ATRX: variants seen among roughly 807,000 people sequenced by gnomAD.
ATRX encodes the protein ATRX chromatin remodeler, also known as chromatin remodeler ATRX.
Under a neutral mutation model 172.6 loss-of-function variants are expected in ATRX, and 12 were observed. That is an observed-to-expected ratio of 0.07 (90% CI 0.04 to 0.11). The LOEUF (loss-of-function observed/expected upper bound fraction) is 0.11, where lower values mean the gene tolerates loss of function less well. ATRX is among the 10% of genes least tolerant of loss of function. ATRX has a pLI of 1.00. For missense variants in ATRX, 1,368 were observed against 1,767.4 expected (o/e 0.77, Z 4.05); for synonymous variants, 674 against 594.7 (o/e 1.13, Z -1.94).
intron 28 of ATRX, among the ~76,000 whole-genome samples, chrX:77,573,571 A>C (rs2065496338): frequency 8.9e-6 from 1 of 111,807 alleles, no homozygotes; most frequent in Admixed American, 9.5e-5. Context: ...GCTCAACATA[A>C]TTTATCATTA....
At chrX:77,537,992 C>T (rs1407712905) in intron 30 of ATRX, among the ~76,000 whole-genome samples, 1 of 110,761 alleles carries the variant, frequency 9.0e-6, no homozygotes, top group Non-Finnish European at 1.9e-5. Context: ...GATGAGAACA[C>T]ATGAACACGT....
chrX:77,586,193 C>T (rs782025442), intron 27 of ATRX, among the ~76,000 whole-genome samples: 3 of 111,978 alleles, frequency 2.7e-5, no homozygotes, highest in Non-Finnish European at 5.6e-5. Flanking sequence ...ATAGATATCC[C>T]ATTTACCCTG....
chrX:77,633,509 T>C, intron 18 of ATRX, 57 bp downstream of exon 18: 2 of 1,134,222 alleles, frequency 1.8e-6, no homozygotes, highest in Non-Finnish European at 2.4e-6. Context: ...AAAAATAGTT[T>C]ACTATATGAA....
chrX:77,781,030 T>A (rs989356697), intron 1 of ATRX, among the ~76,000 whole-genome samples: 2 of 111,229 alleles, frequency 1.8e-5, no homozygotes, highest in African/African-American at 3.3e-5. Context: ...TTGTCCACAG[T>A]CATACAATCA....
chrX:77,563,210 G>A (rs189117879), intron 28 of ATRX, among the ~76,000 whole-genome samples: 237 of 112,297 alleles, frequency 2.1e-3, no homozygotes, highest in African/African-American at 6.8e-3. Context: ...TCTTATACAA[G>A]TATAATAGTT....
chrX:77,590,518 A>G (rs782555116), intron 26 of ATRX, among the ~76,000 whole-genome samples: 1 of 106,055 alleles, frequency 9.4e-6, no homozygotes, highest in Admixed American at 1.0e-4. Context: ...AGGCTGAGGT[A>G]GGAGAATGGC....
At chrX:77,602,099 G>A (rs1165880332) in intron 22 of ATRX, among the ~76,000 whole-genome samples, 3 of 111,509 alleles carry the variant, frequency 2.7e-5, no homozygotes, top group Non-Finnish European at 5.7e-5. Context: ...GAACTCCTGC[G>A]GGCTCAAGCC....
Position 77,786,070 on chromosome X carries a change from T to C in ATRX, c.-69A>G. 1 of 1,125,870 alleles carries C rather than the reference T, an allele frequency of 8.9e-7. No individual in the cohort carries two copies. Among genetic ancestry groups the C allele is most frequent in the Non-Finnish European group, 1.2e-6 (1 of 836,481 alleles). The allele number at this position is 1,125,870 out of a possible 1,213,427, so 92.8% of individuals were successfully genotyped here. ...CCGATCTGCGCTCCCCCGCGCCCGG[T>C]TACGATAGAAATGCACTGGAGTCTT... On this transcript the variant is annotated 5_prime_UTR_variant, in exon 1 of 35. Coordinates refer to ENST00000373344, the MANE Select transcript of ATRX (RefSeq NM_000489.6).
chrX:77,733,975 G>A (rs1393935311), intron 1 of ATRX, among the ~76,000 whole-genome samples: 3 of 109,427 alleles, frequency 2.7e-5, no homozygotes, highest in African/African-American at 1.0e-4. Context: ...AAGCTGAGGT[G>A]AGCAGATCAC....
intron 25 of ATRX, among the ~76,000 whole-genome samples, chrX:77,598,720 T>C (rs2066558174): frequency 8.9e-6 from 1 of 112,207 alleles, no homozygotes; most frequent in Non-Finnish European, 1.9e-5. Context: ...TAGGATACAG[T>C]GTCTCAACAC....
chrX:77,773,091 C>CT (rs1375035765), intron 1 of ATRX, among the ~76,000 whole-genome samples: 1 of 15,770 alleles, frequency 6.3e-5, no homozygotes, highest in Non-Finnish European at 1.2e-4. Context: ...CAAATTTCAG[C>CT]TAAAAAAAAA....
chrX:77,604,240 C>T (rs1477098165), intron 22 of ATRX, among the ~76,000 whole-genome samples: 1 of 112,393 alleles, frequency 8.9e-6, no homozygotes, highest in African/African-American at 3.2e-5. Context: ...TATTTCCAAA[C>T]TAGACATCCA....
At chrX:77,755,051 C>G (rs1310666345) in intron 1 of ATRX, among the ~76,000 whole-genome samples, 3 of 112,256 alleles carry the variant, frequency 2.7e-5, no homozygotes, top group Non-Finnish European at 5.6e-5. Context: ...CCTTTTTTCT[C>G]TAATCTTGTC....
chrX:77,761,657 G>C (rs186979107), intron 1 of ATRX, among the ~76,000 whole-genome samples: 130 of 111,461 alleles, frequency 1.2e-3, no homozygotes, highest in African/African-American at 4.2e-3. Context: ...TTCTGTGTGT[G>C]CTGAAAACAC....
At chrX:77,577,245 A>G (rs1187877841) in intron 27 of ATRX, among the ~76,000 whole-genome samples, 4 of 111,389 alleles carry the variant, frequency 3.6e-5, no homozygotes, top group Non-Finnish European at 5.7e-5. Context: ...AACAGTACAC[A>G]AGAGTTCCAA....
chrX:77,681,553 G>A lies in ATRX; in HGVS notation c.3703C>T (p.Leu1235=), dbSNP rs782112095. 4 of 1,209,772 alleles carry A rather than the reference G, an allele frequency of 3.3e-6. No individual in the cohort carries two copies. Among genetic ancestry groups the A allele is most frequent in the South Asian group, 1.8e-5 (1 of 56,468 alleles). ...KIKPVTENLV[L]SSHTGFCQSS... ...TGGCAAAATCCAGTATGTGAAGACAGCACTAAATTTTCAGTCACAGGCTTA... is the reference window on the plus strand; with the variant it reads ...TGGCAAAATCCAGTATGTGAAGACAACACTAAATTTTCAGTCACAGGCTTA... Residue 1235 remains leucine, a synonymous_variant, in exon 9 of 35, where the codon CTG becomes TTG. Coordinates refer to ENST00000373344, the MANE Select transcript of ATRX (RefSeq NM_000489.6).
At chrX:77,543,484 T>A (rs1369604804) in intron 30 of ATRX, among the ~76,000 whole-genome samples, 3 of 112,156 alleles carry the variant, frequency 2.7e-5, no homozygotes, top group Non-Finnish European at 5.6e-5. Flanking sequence ...TTATAAATCA[T>A]TCTACTATAA....
intron 1 of ATRX, among the ~76,000 whole-genome samples, chrX:77,750,990 A>C (rs1835231267): frequency 8.9e-6 from 1 of 112,119 alleles, no homozygotes; most frequent in African/African-American, 3.2e-5. Flanking sequence ...CAATAAACAT[A>C]CAGGTACATG....
At chrX:77,770,006 C>A (rs2076102697) in intron 1 of ATRX, among the ~76,000 whole-genome samples, 1 of 110,783 alleles carries the variant, frequency 9.0e-6, no homozygotes, top group Non-Finnish European at 1.9e-5. Context: ...ATCACTTGAG[C>A]CCAGGAGGTT....
Sources: gnomAD v4.1 joint callset for allele counts (sites outside exome capture counted in the v4.1 genomes callset) on GRCh38, gnomAD v4.1.1 for gene constraint, MANE v1.5 for transcripts, NCBI Gene and HGNC (gene_info 2026-07-23, HGNC 2026-07-21) for gene names.